Variants in CELSR1 observed in about 807,000 individuals in gnomAD.
CELSR1 encodes adhesion G protein-coupled receptor C1.
CELSR1 carries 110 observed loss-of-function variants against 249.1 expected under a neutral mutation model. The observed-to-expected ratio is 0.44, with a 90% confidence interval of 0.38 to 0.52. The LOEUF is 0.52. Among genes scored for constraint, CELSR1 ranks in the 20% least tolerant of loss-of-function variants. CELSR1 has a pLI of 0.00. For synonymous variants in CELSR1, 2,113 were observed against 1,900.0 expected (o/e 1.11, Z -2.92); for missense variants, 4,109 against 4,296.4 (o/e 0.96, Z 1.22).
chr22:46,367,698 G>T, intron 28 of CELSR1, 31 bp downstream of exon 28: 4 of 1,574,904 alleles, frequency 2.5e-6, no homozygotes, highest in Non-Finnish European at 3.4e-6. Flanking sequence ...GGCCAGGCAG[G>T]GGTCCCGCGG....
At position 46,409,961 on chromosome 22, in the gene CELSR1, C is replaced by T. The variant is rs1404267602; in HGVS notation, c.4934-81G>A. On this transcript the variant is annotated intron_variant, in intron 7 of 34. Coordinates refer to ENST00000674500, the MANE Select transcript of CELSR1 (RefSeq NM_001378328.1). This position sits in a 1 kb window ranked among gnomAD's most constrained non-coding sequence, Gnocchi z 9.8. ...CGGCGCCAGACGTGGCGTGGGAAACCAGGACGGAATGGACCCGGGGCTGGA... is the reference window on the plus strand; with the variant it reads ...CGGCGCCAGACGTGGCGTGGGAAACTAGGACGGAATGGACCCGGGGCTGGA... 1 of 1,581,436 alleles carries T rather than the reference C, an allele frequency of 6.3e-7. No homozygotes were observed. Among genetic ancestry groups the T allele is most frequent in the Non-Finnish European group, 8.6e-7 (1 of 1,166,258 alleles).
chr22:46,378,149 C>G (rs2147207586), intron 23 of CELSR1, among the ~76,000 whole-genome samples: 2 of 152,390 alleles, frequency 1.3e-5, no homozygotes, highest in South Asian at 4.1e-4. Flanking sequence ...GCCTTTTGTC[C>G]TGCTGCCCTG....
rs1304626990 is a variant in CELSR1 at position 46,536,718 on chromosome 22, G to A, written c.453C>T (p.Thr151=). The A allele has an allele frequency of 1.4e-5, 16 of 1,177,786 alleles. No homozygotes were observed. Among genetic ancestry groups the A allele is most frequent in the Middle Eastern group, 3.5e-4 (1 of 2,872 alleles). 73.0% of individuals were successfully genotyped at this position (1,177,786 alleles called of 1,614,324 possible). ...AAQHSALAAP[T]TLPACRCPPR... ...GCGGGCAGCGGCAGGCGGGTAAGGT[G>A]GTCGGAGCTGCGAGCGCCGAATGCT... The change falls in exon 1 of 35, where the codon ACC becomes ACT. Residue 151 remains threonine, a synonymous_variant. Coordinates refer to ENST00000674500, the MANE Select transcript of CELSR1 (RefSeq NM_001378328.1).
chr22:46,367,159 C>T (rs1213538464), intron 28 of CELSR1, 41 bp from the exon 29 acceptor site: 3 of 1,596,830 alleles, frequency 1.9e-6, no homozygotes, highest in African/African-American at 1.3e-5. Flanking sequence ...CTGCTGCCTC[C>T]CTAGGCACCT....
rs757954187 is a variant in CELSR1, at chr22:46,535,193, C to A, written c.1978G>T (p.Val660Leu). 331 of 1,608,916 alleles carry A rather than the reference C, an allele frequency of 2.1e-4. No individual in the cohort carries two copies. Among genetic ancestry groups the A allele is most frequent in the Non-Finnish European group, 2.7e-4 (324 of 1,179,824 alleles). ...VEHYSFGVEA[V>L]DHGSPPMSSS... ...CTCATGGGGGGCGAGCCGTGGTCCACCGCCTCCACCCCGAAGCTGTAGTGC... is the reference window on the plus strand; with the variant it reads ...CTCATGGGGGGCGAGCCGTGGTCCAACGCCTCCACCCCGAAGCTGTAGTGC... The change falls in exon 1 of 35, where the codon GTG becomes TTG. Residue 660 changes from valine to leucine, a missense_variant. Val to Leu is a conservative substitution (Grantham distance 32, BLOSUM62 1). This residue lies in a region of CELSR1 where 886 missense variants were observed against 896.5 expected (regional missense o/e 0.99). Transcript: ENST00000674500.
intron 5 of CELSR1, among the ~76,000 whole-genome samples, chr22:46,419,527 G>T (rs1471324231): frequency 1.3e-5 from 2 of 152,116 alleles, no homozygotes; most frequent in African/African-American, 4.8e-5. Flanking sequence ...CCTCCACACG[G>T]GCACCGGGAC....
intron 23 of CELSR1, chr22:46,377,589 C>T (rs550203530): frequency 6.3e-5 from 23 of 363,018 alleles, no homozygotes; most frequent in African/African-American, 4.5e-4. Context: ...CTCCTTTCTT[C>T]TGCCTCAATT....
intron 1 of CELSR1, among the ~76,000 whole-genome samples, chr22:46,465,036 G>A (rs1258961610): frequency 6.6e-6 from 1 of 152,238 alleles, no homozygotes; most frequent in Admixed American, 6.5e-5. Context: ...ATCATCAAGT[G>A]AGGTACTTAG....
In CELSR1 at chr22:46,537,527, C is replaced by G. The variant is rs2080872291; in HGVS notation, c.-357G>C. Among the ~76,000 whole-genome samples the G allele has an allele frequency of 6.8e-6, 1 of 148,118 alleles. No homozygotes were observed. The highest frequency in any genetic ancestry group is 2.4e-5 in the African/African-American group (1 of 40,948). ...GACGGGCGTGGGAAGCGGGGCGGGC[C>G]CGGCGCGGGGCGGGGGCTGAGTTCC... On this transcript the variant is annotated 5_prime_UTR_variant, in exon 1 of 35. Coordinates refer to ENST00000674500, the MANE Select transcript of CELSR1 (RefSeq NM_001378328.1). The surrounding 1 kb of genome is among the most constrained non-coding windows in gnomAD (Gnocchi z 5.8).
chr22:46,370,381 C>T (rs1301277319), intron 25 of CELSR1: 2 of 321,820 alleles, frequency 6.2e-6, no homozygotes, highest in South Asian at 4.8e-5. Flanking sequence ...CACAGATATA[C>T]ACACACACCA....
chr22:46,413,136 T>C lies in CELSR1; in HGVS notation c.4612-1377A>G, dbSNP rs1490493974. 6.6e-6 allele frequency among the ~76,000 whole-genome samples: 1 copy of C among 152,222 alleles called. No individual in the cohort carries two copies. Among genetic ancestry groups the C allele is most frequent in the African/African-American group, 2.4e-5 (1 of 41,460 alleles). ...GTGGAAATAGATCGTTGTAAAAACG[T>C]AGAATTTAATTAAATCATCCTCAGT... On this transcript the variant is annotated intron_variant, in intron 5 of 34. Transcript: ENST00000674500. The surrounding 1 kb of genome is among the most constrained non-coding windows in gnomAD (Gnocchi z 4.7).
Position 46,437,576 on chromosome 22 carries a change from C to A in CELSR1, c.4407-1287G>T, listed in dbSNP as rs1666327712. Among the ~76,000 whole-genome samples the A allele has an allele frequency of 6.6e-6, 1 of 152,052 alleles. No homozygotes were observed. The highest frequency in any genetic ancestry group is 1.5e-5 in the Non-Finnish European group (1 of 68,020). Reference sequence around the variant, plus strand: ...GACCAGCCTGGCCAACATGGTGAAACCCCGTCTCTACTAAAAATACGAAAA... The same window carrying A: ...GACCAGCCTGGCCAACATGGTGAAAACCCGTCTCTACTAAAAATACGAAAA... On this transcript the variant is annotated intron_variant, in intron 3 of 34. Coordinates refer to ENST00000674500, the MANE Select transcript of CELSR1 (RefSeq NM_001378328.1). The surrounding 1 kb of genome is among the most constrained non-coding windows in gnomAD (Gnocchi z 4.9).
rs898398773 is a variant in CELSR1, at chr22:46,537,003, G to A, written c.168C>T (p.Cys56=). The change falls in exon 1 of 35, where the codon TGC becomes TGT. Residue 56 remains cysteine, a synonymous_variant. Coordinates refer to ENST00000674500, the MANE Select transcript of CELSR1 (RefSeq NM_001378328.1). This position sits in a 1 kb window ranked among gnomAD's most constrained non-coding sequence, Gnocchi z 5.8. The part of the protein sequence containing the change: ...PGCTYAVGAA[C]TPRAPRELLD... ...GCAGCTCCCGCGGCGCCCGGGGCGT[G>A]CAAGCGGCGCCCACCGCGTAGGTAC... is the stretch of plus-strand genomic sequence containing the variant. 6.8e-4 allele frequency: 760 copies of A among 1,111,546 alleles called. 1 individual carries two copies. Among genetic ancestry groups the A allele is most frequent in the Non-Finnish European group, 7.8e-4 (710 of 912,610 alleles). The allele number at this position is 1,111,546 out of a possible 1,614,324, so 68.9% of individuals were successfully genotyped here.
intron 2 of CELSR1, among the ~76,000 whole-genome samples, chr22:46,444,508 G>A (rs934581216): frequency 2.0e-5 from 3 of 152,200 alleles, no homozygotes; most frequent in Non-Finnish European, 4.4e-5. Flanking sequence ...TTTGCCCCTC[G>A]CTGAAAAGGT....
chr22:46,383,497 G>C (rs184528987), intron 20 of CELSR1, among the ~76,000 whole-genome samples: 1 of 152,146 alleles, frequency 6.6e-6, no homozygotes, highest in African/African-American at 2.4e-5. Context: ...GAAGGGGAAG[G>C]TGATTCTAAA....
In CELSR1 at chr22:46,488,256, C is replaced by T. The variant is rs573535395; in HGVS notation, c.3545-23911G>A. Among the ~76,000 whole-genome samples the T allele has an allele frequency of 6.6e-6, 1 of 152,098 alleles. No individual in the cohort carries two copies. The highest frequency in any genetic ancestry group is 1.9e-4 in the East Asian group (1 of 5,182). On this transcript the variant is annotated intron_variant, in intron 1 of 34. Coordinates refer to ENST00000674500, the MANE Select transcript of CELSR1 (RefSeq NM_001378328.1). This position sits in a 1 kb window ranked among gnomAD's most constrained non-coding sequence, Gnocchi z 4.7. ...TCATGACAGTGGGAGGTGAAGGTGACCCCCAGATAGTCCCCAGAGCCAGTG... is the reference window on the plus strand; with the variant it reads ...TCATGACAGTGGGAGGTGAAGGTGATCCCCAGATAGTCCCCAGAGCCAGTG...
rs1569198471 is a variant in CELSR1 at position 46,488,951 on chromosome 22, GC to G, written c.3545-24607del. Among the ~76,000 whole-genome samples, 1 of 151,054 alleles carries G rather than the reference GC, an allele frequency of 6.6e-6. No homozygotes were observed. The highest frequency in any genetic ancestry group is 1.5e-5 in the Non-Finnish European group (1 of 67,808). On this transcript the variant is annotated intron_variant, in intron 1 of 34. Transcript: ENST00000674500. This position sits in a 1 kb window ranked among gnomAD's most constrained non-coding sequence, Gnocchi z 4.7. ...TGGGATTACAGGCGGAAGCCACCAC[GC>G]CCAGCCCAGCCCTGCCCTTTTGAGC...
rs1328122257 is a variant in CELSR1, at chr22:46,471,413, A to C, written c.3545-7068T>G. On this transcript the variant is annotated intron_variant, in intron 1 of 34. Coordinates refer to ENST00000674500, the MANE Select transcript of CELSR1 (RefSeq NM_001378328.1). The surrounding 1 kb of genome is among the most constrained non-coding windows in gnomAD (Gnocchi z 4.9). ...GGGGGTCTTTTGCTTGTTTTGAGAC[A>C]GAGTCTCATTCTGTGGCCCAGGCTG... Among the ~76,000 whole-genome samples the C allele has an allele frequency of 2.6e-5, 4 of 152,044 alleles. No individual in the cohort carries two copies. The highest frequency in any genetic ancestry group is 9.7e-5 in the African/African-American group (4 of 41,392).
In CELSR1 at chr22:46,391,948, T is replaced by C. The variant is rs1397268554; in HGVS notation, c.5965-132A>G. ...TGGCCGCCAGCCATCCCACCCCTCA[T>C]GGCTACCCTCTGCCCACATCCCACA... On this transcript the variant is annotated intron_variant, in intron 14 of 34. Transcript: ENST00000674500. The surrounding 1 kb of genome is among the most constrained non-coding windows in gnomAD (Gnocchi z 4.3). 4 of 949,830 alleles carry C rather than the reference T, an allele frequency of 4.2e-6. No individual in the cohort carries two copies. Among genetic ancestry groups the C allele is most frequent in the Non-Finnish European group, 1.5e-6 (1 of 652,658 alleles). 58.8% of individuals were successfully genotyped at this position (949,830 alleles called of 1,614,324 possible).
Sources: allele counts gnomAD v4.1 joint callset (sites outside exome capture counted in the v4.1 genomes callset), GRCh38; gene constraint gnomAD v4.1.1; regional missense constraint gnomAD v4.1.1; non-coding constraint Gnocchi (gnomAD v3.1); transcripts MANE v1.5; gene names NCBI Gene and HGNC (gene_info 2026-07-23, HGNC 2026-07-21).